Variants in ADAMTS16 observed in about 807,000 individuals in gnomAD.
The protein encoded by ADAMTS16 is ADAM metallopeptidase with thrombospondin type 1 motif 16.
In ADAMTS16, 94 loss-of-function variants were observed where a neutral mutation model predicts 145.8. The observed-to-expected ratio is 0.64, with a 90% CI of 0.55 to 0.77. The LOEUF (loss-of-function observed/expected upper bound fraction) is 0.77, where lower values mean the gene tolerates loss of function less well. Among genes scored for constraint, ADAMTS16 ranks in the 30% least tolerant of loss-of-function variants. The pLI is 0.00. For missense variants in ADAMTS16, 1,585 were observed against 1,591.5 expected (o/e 1.00, Z 0.07); for synonymous variants, 659 against 604.3 (o/e 1.09, Z -1.33).
intron 21 of ADAMTS16, 111 bp downstream of exon 21, chr5:5,306,839 G>T: frequency 5.5e-6 from 6 of 1,093,042 alleles, no homozygotes; most frequent in Non-Finnish European, 7.7e-6. Flanking sequence ...AGCTGGCCAA[G>T]CTACTGCATG....
chr5:5,219,006 A>G lies in ADAMTS16; in HGVS notation c.1606-3783A>G, dbSNP rs138704674. On this transcript the variant is annotated intron_variant, in intron 10 of 22. Coordinates refer to ENST00000274181, the MANE Select transcript of ADAMTS16 (RefSeq NM_139056.4). ...ACGGGCACAGGATCGGGGGCGTGGC[A>G]GGCCAGAGTAGTCTTGGAAAATGCG... 4.9e-3 allele frequency among the ~76,000 whole-genome samples: 752 copies of G among 152,234 alleles called. 5 individuals are homozygous for G. Among genetic ancestry groups the G allele is most frequent in the African/African-American group, 0.017 (714 of 41,534 alleles).
At chr5:5,161,013 C>T (rs985680111) in intron 3 of ADAMTS16, among the ~76,000 whole-genome samples, 11 of 152,160 alleles carry the variant, frequency 7.2e-5, no homozygotes, top group African/African-American at 2.4e-5. Flanking sequence ...CTTAAAAGCC[C>T]ATACCTTAGT....
intron 1 of ADAMTS16, 55 bp downstream of exon 1, chr5:5,140,594 G>T (rs930903197): frequency 3.3e-6 from 5 of 1,516,062 alleles, no homozygotes; most frequent in Non-Finnish European, 3.5e-6. Flanking sequence ...ACAGCTGGAG[G>T]CGAGTCCCCC....
At chr5:5,175,565 G>A (rs1246298078) in intron 3 of ADAMTS16, among the ~76,000 whole-genome samples, 4 of 152,126 alleles carry the variant, frequency 2.6e-5, no homozygotes, top group Admixed American at 6.5e-5. Context: ...ACCCAACATG[G>A]CACCAGAACT....
chr5:5,195,258 T>C (rs1183558127), intron 8 of ADAMTS16, among the ~76,000 whole-genome samples: 1 of 152,314 alleles, frequency 6.6e-6, no homozygotes, highest in East Asian at 1.9e-4. Flanking sequence ...CTGGTTATGT[T>C]AAATCACTTG....
In ADAMTS16 at chr5:5,140,482, G is replaced by A; in HGVS notation, c.15G>A (p.Ala5=). 1.3e-6 allele frequency: 2 copies of A among 1,515,028 alleles called. No homozygotes were observed. The highest frequency in any genetic ancestry group is 8.8e-7 in the Non-Finnish European group (1 of 1,141,280). The allele number at this position is 1,515,028 out of a possible 1,614,324, so 93.8% of individuals were successfully genotyped here. A position where few individuals can be genotyped will look rare whatever the true frequency, so the allele number is the denominator to read the frequency against. Residue 5 remains alanine, a synonymous_variant, in exon 1 of 23, where the codon GCG becomes GCA. Transcript: ENST00000274181. MKPR[A]RGWRGLAALW... is the part of the protein sequence containing the mutation. The stretch of plus-strand genomic sequence containing the variant: ...AGCGCTCCTGGATGAAGCCCCGCGC[G>A]CGCGGATGGCGGGGCTTGGCGGCGC...
At chr5:5,198,846 G>T (rs759033675) in intron 8 of ADAMTS16, among the ~76,000 whole-genome samples, 1 of 152,166 alleles carries the variant, frequency 6.6e-6, no homozygotes, top group East Asian at 1.9e-4. Context: ...GCTGCCTTCT[G>T]TCCACTCCTT....
intron 3 of ADAMTS16, among the ~76,000 whole-genome samples, chr5:5,162,411 CAG>C (rs1734763636): frequency 6.6e-6 from 1 of 152,162 alleles, no homozygotes; most frequent in South Asian, 2.1e-4. Context: ...TATGGGATCT[CAG>C]TGTAAAGGCT....
Position 5,214,597 on chromosome 5 carries a change from T to C in ADAMTS16, c.1605+5351T>C, listed in dbSNP as rs536262942. Among the ~76,000 whole-genome samples the C allele has an allele frequency of 7.2e-5, 11 of 152,302 alleles. No individual in the cohort carries two copies. The South Asian group carries it at 2.1e-3, about 29-fold the overall frequency. Reference sequence around the variant, plus strand: ...TTTTGTATTTTTTGTTGAGACAGTGTTTCACCATGTTGGCCAGGCTAGTCT... The same window carrying C: ...TTTTGTATTTTTTGTTGAGACAGTGCTTCACCATGTTGGCCAGGCTAGTCT... On this transcript the variant is annotated intron_variant, in intron 10 of 22. Coordinates refer to ENST00000274181, the MANE Select transcript of ADAMTS16 (RefSeq NM_139056.4).
At chr5:5,231,850 T>G (rs1736933558) in intron 11 of ADAMTS16, among the ~76,000 whole-genome samples, 1 of 152,200 alleles carries the variant, frequency 6.6e-6, no homozygotes. Context: ...ACCTCTAACA[T>G]GGCATCAGTT....
intron 9 of ADAMTS16, among the ~76,000 whole-genome samples, chr5:5,202,033 G>A (rs182729337): frequency 3.6e-4 from 55 of 152,102 alleles, no homozygotes; most frequent in Admixed American, 1.4e-3. Context: ...GATCACACCA[G>A]TACTTCTGTT....
At chr5:5,163,315 G>T (rs1240054609) in intron 3 of ADAMTS16, among the ~76,000 whole-genome samples, 3 of 152,168 alleles carry the variant, frequency 2.0e-5, no homozygotes, top group Non-Finnish European at 4.4e-5. Flanking sequence ...TTCACTGCCT[G>T]CTTTGGTTTG....
At chr5:5,191,587 A>G (rs532783103) in intron 7 of ADAMTS16, 98 bp from the exon 8 acceptor site, 1 of 989,038 alleles carries the variant, frequency 1.0e-6, no homozygotes, top group South Asian at 1.4e-5. Flanking sequence ...CCATATGAAC[A>G]TAAGAACTAA....
At chr5:5,165,665 T>TCATG (rs1204094941) in intron 3 of ADAMTS16, among the ~76,000 whole-genome samples, 1 of 152,160 alleles carries the variant, frequency 6.6e-6, no homozygotes, top group African/African-American at 2.4e-5. Flanking sequence ...AACAGCTGAT[T>TCATG]CATGAGCTAA....
chr5:5,153,903 T>C (rs1734535892), intron 3 of ADAMTS16, among the ~76,000 whole-genome samples: 1 of 152,208 alleles, frequency 6.6e-6, no homozygotes, highest in Non-Finnish European at 1.5e-5. Context: ...TACTTGTAAA[T>C]GTTGTAATTC....
chr5:5,162,636 G>T (rs983226702), intron 3 of ADAMTS16, among the ~76,000 whole-genome samples: 1 of 152,176 alleles, frequency 6.6e-6, no homozygotes, highest in African/African-American at 2.4e-5. Flanking sequence ...TTCCTACAGA[G>T]AATTCTGGAG....
chr5:5,263,182 A>T (rs1364868712), intron 18 of ADAMTS16, among the ~76,000 whole-genome samples: 1 of 152,132 alleles, frequency 6.6e-6, no homozygotes, highest in Admixed American at 6.5e-5. Flanking sequence ...TGGGGAAGGA[A>T]CCCTGGATTC....
rs1438061763 is a variant in ADAMTS16 at position 5,180,110 on chromosome 5, TCC to T, written c.502-1931_502-1930del. On this transcript the variant is annotated intron_variant, in intron 3 of 22. Coordinates refer to ENST00000274181, the MANE Select transcript of ADAMTS16 (RefSeq NM_139056.4). ...CGTGGACATTAATGTGAGCGAACTC[TCC>T]CCGCAACTCCCAAGTAAGAATCAGA... Among the ~76,000 whole-genome samples, 6 of 152,134 alleles carry T rather than the reference TCC, an allele frequency of 3.9e-5. No homozygotes were observed. The East Asian group carries it at 9.7e-4, about 24-fold the overall frequency.
intron 18 of ADAMTS16, among the ~76,000 whole-genome samples, chr5:5,268,551 G>T (rs924268480): frequency 1.3e-5 from 2 of 152,116 alleles, no homozygotes; most frequent in Admixed American, 6.5e-5. Context: ...CCCTGATTCG[G>T]TCTCTCACGC....
Sources: gnomAD v4.1 joint callset for allele counts (sites outside exome capture counted in the v4.1 genomes callset) on GRCh38, gnomAD v4.1.1 for gene constraint, MANE v1.5 for transcripts, NCBI Gene and HGNC (gene_info 2026-07-23, HGNC 2026-07-21) for gene names.